WNK1: variants seen among roughly 807,000 people sequenced by gnomAD.
The protein encoded by WNK1 is WNK lysine deficient protein kinase 1, also known as serine/threonine-protein kinase WNK1.
WNK1 carries 38 observed loss-of-function variants against 222.8 expected under a neutral mutation model. The observed-to-expected ratio is 0.17, with a 90% CI of 0.13 to 0.22. The LOEUF is 0.22. WNK1 is among the 10% of genes least tolerant of loss of function. The probability of loss-of-function intolerance (pLI) is 1.00; values close to 1 mark genes in which losing one functional copy is unlikely to be tolerated. For synonymous variants in WNK1, 1,090 were observed against 1,092.9 expected (o/e 1.00, Z 0.05); for missense variants, 2,348 against 2,918.4 (o/e 0.80, Z 4.50).
chr12:908,471 T>C lies in WNK1; in HGVS notation c.6832-4T>C. 6.2e-7 allele frequency: 1 copy of C among 1,614,232 alleles called. No individual in the cohort carries two copies. Among genetic ancestry groups the C allele is most frequent in the Non-Finnish European group, 8.5e-7 (1 of 1,180,040 alleles). ...GACTTGACACGTGGTGGTTTTGTTT[T>C]CAGGGCCCTGGAATGGCAAGGAAGT... On this transcript the variant is annotated splice_polypyrimidine_tract_variant and splice_region_variant and intron_variant, in intron 27 of 27. Coordinates refer to ENST00000315939, the MANE Select transcript of WNK1 (RefSeq NM_018979.4).
At chr12:896,932 ACACACAC>A (rs1300087509) in intron 24 of WNK1, among the ~76,000 whole-genome samples, 200 bp downstream of exon 24, 31 of 77,896 alleles carry the variant, frequency 4.0e-4, no homozygotes, top group African/African-American at 1.4e-3. Flanking sequence ...ACACACACAC[ACACACAC>A]GATTCCCAAC....
intron 26 of WNK1, among the ~76,000 whole-genome samples, chr12:904,117 A>T (rs913033043): frequency 2.6e-5 from 4 of 152,220 alleles, no homozygotes; most frequent in African/African-American, 4.8e-5. Flanking sequence ...CTGCTTGGGT[A>T]TTTGAAATTC....
At chr12:875,747 G>A (rs969820564) in intron 9 of WNK1, among the ~76,000 whole-genome samples, 2 of 152,168 alleles carry the variant, frequency 1.3e-5, no homozygotes, top group Non-Finnish European at 1.5e-5. Context: ...CTGCAGGAGC[G>A]TTCATAATTT....
chr12:823,889 A>G (rs1347694895), intron 2 of WNK1, among the ~76,000 whole-genome samples: 1 of 144,680 alleles, frequency 6.9e-6, no homozygotes, highest in East Asian at 2.1e-4. Context: ...TGCTTGATAT[A>G]TCAGAGACAT....
At chr12:771,900 T>G (rs1186120417) in intron 1 of WNK1, among the ~76,000 whole-genome samples, 2 of 152,200 alleles carry the variant, frequency 1.3e-5, no homozygotes, top group Non-Finnish European at 2.9e-5. Flanking sequence ...TCCTCCTGTT[T>G]CAGCCTCCCA....
intron 26 of WNK1, among the ~76,000 whole-genome samples, chr12:902,320 T>A (rs1020250208): frequency 6.6e-6 from 1 of 151,924 alleles, no homozygotes; most frequent in Admixed American, 6.6e-5. Flanking sequence ...AGAAACGAAA[T>A]GAAGAAAGCA....
At chr12:902,302 C>CA (rs896046289) in intron 26 of WNK1, among the ~76,000 whole-genome samples, 18 of 151,628 alleles carry the variant, frequency 1.2e-4, no homozygotes, top group South Asian at 6.2e-4. Flanking sequence ...GACTCTATCT[C>CA]AAAAAAAAGA....
At chr12:817,516 G>A (rs115552046) in intron 2 of WNK1, among the ~76,000 whole-genome samples, 544 of 152,218 alleles carry the variant, frequency 3.6e-3, no homozygotes, top group African/African-American at 0.013. Flanking sequence ...GGGAAGGAAT[G>A]GGAATTAATT....
intron 26 of WNK1, among the ~76,000 whole-genome samples, chr12:902,143 AAAAAAG>A (rs1955315512): frequency 1.3e-5 from 2 of 151,986 alleles, no homozygotes; most frequent in South Asian, 4.2e-4. Flanking sequence ...TAAAAAAAAA[AAAAAAG>A]TTAGCCTGGC....
Position 861,318 on chromosome 12 carries a change from C to T in WNK1, c.1926C>T (p.Tyr642=), listed in dbSNP as rs1428738918. 6.2e-7 allele frequency: 1 copy of T among 1,614,090 alleles called. No individual in the cohort carries two copies. Reference sequence around the variant, plus strand: ...CAGATCAACATCAACAACTACAGTACCAGCAACCCAGTATATCTGTGTTAT... The same window carrying T: ...CAGATCAACATCAACAACTACAGTATCAGCAACCCAGTATATCTGTGTTAT... ...PEADQHQQLQ[Y]QQPSISVLSD... The change falls in exon 7 of 28, where the codon TAC becomes TAT. Residue 642 remains tyrosine (Y), a synonymous_variant. Transcript: ENST00000315939.
At chr12:822,706 A>T (rs1317974725) in intron 2 of WNK1, among the ~76,000 whole-genome samples, 1 of 152,178 alleles carries the variant, frequency 6.6e-6, no homozygotes, top group African/African-American at 2.4e-5. Flanking sequence ...TTTTATGTTT[A>T]TACATTGTGT....
intron 6 of WNK1, among the ~76,000 whole-genome samples, chr12:860,104 C>A (rs150501989): frequency 6.6e-6 from 1 of 151,986 alleles, no homozygotes. Context: ...GAATGCATTC[C>A]GAAGTCATTT....
intron 4 of WNK1, among the ~76,000 whole-genome samples, chr12:840,654 A>G (rs1004356108): frequency 4.3e-4 from 65 of 152,204 alleles, no homozygotes; most frequent in African/African-American, 1.4e-3. Flanking sequence ...AATATTTACT[A>G]TTAGGCCCTT....
At chr12:763,008 A>G (rs570355948) in intron 1 of WNK1, among the ~76,000 whole-genome samples, 1 of 146,546 alleles carries the variant, frequency 6.8e-6, no homozygotes, top group Admixed American at 6.8e-5. Context: ...GGCCTCCCAA[A>G]GTGCTGGAAT....
intron 1 of WNK1, among the ~76,000 whole-genome samples, chr12:793,487 A>G: frequency 6.6e-6 from 1 of 152,194 alleles, no homozygotes; most frequent in Admixed American, 6.5e-5. Flanking sequence ...ATTGGAAATA[A>G]TTATTCCAAA....
chr12:820,261 A>G (rs577994280), intron 2 of WNK1, among the ~76,000 whole-genome samples: 2 of 152,234 alleles, frequency 1.3e-5, no homozygotes, highest in Non-Finnish European at 2.9e-5. Flanking sequence ...TAGTTTCATT[A>G]TACAAGTCTT....
At chr12:830,846 T>A (rs1948735454) in intron 4 of WNK1, among the ~76,000 whole-genome samples, 1 of 152,256 alleles carries the variant, frequency 6.6e-6, no homozygotes, top group South Asian at 2.1e-4. Flanking sequence ...TGTTCAGATA[T>A]TCTCTCCATT....
rs1592262081 is a variant in WNK1 at position 904,093 on chromosome 12, G to T, written c.6643+3423G>T. ...GCTGGAGAAACAGGAAGTGGGACAGGATCAGTGGAAACGCTGCTTGGGTAT... is the reference window on the plus strand; with the variant it reads ...GCTGGAGAAACAGGAAGTGGGACAGTATCAGTGGAAACGCTGCTTGGGTAT... On this transcript the variant is annotated intron_variant, in intron 26 of 27. Transcript: ENST00000315939. 3.3e-5 allele frequency among the ~76,000 whole-genome samples: 5 copies of T among 152,342 alleles called. No individual in the cohort carries two copies. In the East Asian group the frequency reaches 7.7e-4, roughly 23 times the overall value.
At chr12:875,359 T>G (rs1470129616) in intron 9 of WNK1, among the ~76,000 whole-genome samples, 1 of 152,116 alleles carries the variant, frequency 6.6e-6, no homozygotes, top group South Asian at 2.1e-4. Flanking sequence ...TCCTTTACTT[T>G]GAACAACAAC....
Sources: gnomAD v4.1 joint callset for allele counts (sites outside exome capture counted in the v4.1 genomes callset) on GRCh38, gnomAD v4.1.1 for gene constraint, MANE v1.5 for transcripts, NCBI Gene and HGNC (gene_info 2026-07-23, HGNC 2026-07-21) for gene names.